The following SACM1L variants were observed in gnomAD, a reference collection of about 807,000 sequenced individuals.
SACM1L encodes the protein SAC1 like phosphatidylinositide phosphatase.
In SACM1L, 32 loss-of-function variants were observed where a neutral mutation model predicts 89.5. The observed-to-expected ratio is 0.36, with a 90% CI of 0.27 to 0.48. The LOEUF is 0.48. Among genes scored for constraint, SACM1L ranks in the 20% least tolerant of loss-of-function variants. SACM1L has a pLI of 0.99. For missense variants in SACM1L, 543 were observed against 708.5 expected, an observed-to-expected ratio of 0.77 and a Z score of 2.65; for synonymous variants, 213 against 232.8, an observed-to-expected ratio of 0.92 and a Z score of 0.77.
intron 14 of SACM1L, among the ~76,000 whole-genome samples, chr3:45,736,308 G>A (rs2125705422): frequency 6.6e-6 from 1 of 152,264 alleles, no homozygotes; most frequent in East Asian, 1.9e-4. Flanking sequence ...AGACTATGCT[G>A]TTGAGAAAAA....
At chr3:45,701,087 A>C (rs1298328600) in intron 1 of SACM1L, among the ~76,000 whole-genome samples, 1 of 152,230 alleles carries the variant, frequency 6.6e-6, no homozygotes, top group Admixed American at 6.5e-5. Context: ...AAACTTTTAA[A>C]AAATTATTTT....
At chr3:45,690,905 A>G (rs1020138963) in intron 1 of SACM1L, among the ~76,000 whole-genome samples, 1 of 148,428 alleles carries the variant, frequency 6.7e-6, no homozygotes, top group African/African-American at 2.4e-5. Flanking sequence ...GTTTAATGTG[A>G]TCCTACACCA....
intron 5 of SACM1L, 149 bp downstream of exon 5, chr3:45,709,796 T>G (rs559056466): frequency 2.2e-5 from 15 of 667,964 alleles, no homozygotes; most frequent in Non-Finnish European, 1.7e-5. Flanking sequence ...GTTTTAAATA[T>G]ACATCACAAT....
chr3:45,725,247 A>G (rs377196420), intron 11 of SACM1L, among the ~76,000 whole-genome samples: 27 of 152,320 alleles, frequency 1.8e-4, no homozygotes, highest in Middle Eastern at 6.8e-3. Flanking sequence ...TTTAGTAGCA[A>G]TTGCATTGAA....
chr3:45,717,818 A>G lies in SACM1L; in HGVS notation c.578-1682A>G, dbSNP rs539739622. ...GTAGTCCCAGCTACCTGGGAGGCCA[A>G]GGTGAGAGGATGGCTTGGGCCCAAG... On this transcript the variant is annotated intron_variant, in intron 7 of 19. Coordinates refer to ENST00000389061, the MANE Select transcript of SACM1L (RefSeq NM_014016.5). Among the ~76,000 whole-genome samples, 3 of 152,360 alleles carry G rather than the reference A, an allele frequency of 2.0e-5. No homozygotes were observed. The East Asian group carries it at 5.8e-4, about 29-fold the overall frequency.
chr3:45,727,865 G>C (rs1470534401), intron 11 of SACM1L, among the ~76,000 whole-genome samples: 1 of 152,198 alleles, frequency 6.6e-6, no homozygotes, highest in Non-Finnish European at 1.5e-5. Flanking sequence ...AAAGTGCTGG[G>C]ATTACAGGCG....
At chr3:45,689,827 C>T (rs1697925908) in intron 1 of SACM1L, 2 of 498,150 alleles carry the variant, frequency 4.0e-6, no homozygotes, top group South Asian at 5.6e-5. Flanking sequence ...CTATGCAGAG[C>T]TACCGACTAA....
rs747182908 is a variant in SACM1L, at chr3:45,743,710, T to C, written c.*41T>C. 6 of 1,598,498 alleles carry C rather than the reference T, an allele frequency of 3.8e-6. No individual in the cohort carries two copies. The Admixed American group carries it at 6.9e-5, about 18-fold the overall frequency. ...AAGCGGCTTGGCTTGGAAGATTCCATTGTGCAGAACTGGAGTCTTTACTGA... is the reference window on the plus strand; with the variant it reads ...AAGCGGCTTGGCTTGGAAGATTCCACTGTGCAGAACTGGAGTCTTTACTGA... On this transcript the variant is annotated 3_prime_UTR_variant, in exon 20 of 20. Coordinates refer to ENST00000389061, the MANE Select transcript of SACM1L (RefSeq NM_014016.5).
At chr3:45,699,041 G>A (rs1698197672) in intron 1 of SACM1L, among the ~76,000 whole-genome samples, 1 of 152,162 alleles carries the variant, frequency 6.6e-6, no homozygotes, top group African/African-American at 2.4e-5. Context: ...CCAAAGTGCT[G>A]GGATTTTGCA....
chr3:45,741,168 A>C (rs1699305189), intron 19 of SACM1L, among the ~76,000 whole-genome samples: 1 of 152,148 alleles, frequency 6.6e-6, no homozygotes, highest in South Asian at 2.1e-4. Context: ...GAATTCGTTG[A>C]GCCAACCTCT....
chr3:45,689,752 T>G (rs942271269), intron 1 of SACM1L: 82 of 586,848 alleles, frequency 1.4e-4, no homozygotes, highest in Non-Finnish European at 2.4e-4. Flanking sequence ...AGCTGCCGAC[T>G]GGCCCCCACC....
At chr3:45,719,730 CTTCA>C (rs1256691928) in intron 8 of SACM1L, 129 bp downstream of exon 8, 1 of 540,414 alleles carries the variant, frequency 1.9e-6, no homozygotes, top group Non-Finnish European at 3.3e-6. Context: ...TTATCTCCTG[CTTCA>C]TTGTAATAAT....
At position 45,713,145 on chromosome 3, in the gene SACM1L, G is replaced by C; in HGVS notation, c.492G>C (p.Gln164His). The change falls in exon 6 of 20, where the codon CAG becomes CAC. Residue 164 changes from glutamine to histidine, a missense_variant. This residue lies in a region of SACM1L where 370 missense variants were observed against 527.6 expected (regional missense o/e 0.70). Coordinates refer to ENST00000389061, the MANE Select transcript of SACM1L (RefSeq NM_014016.5). ...QEMSLLERAD[Q>H]RFVWNGHLLR... ...TTTAAAACTTCTCTCAGGCAGATCAGCGGTTTGTATGGAATGGTCATCTTC... is the reference window on the plus strand; with the variant it reads ...TTTAAAACTTCTCTCAGGCAGATCACCGGTTTGTATGGAATGGTCATCTTC... The C allele has an allele frequency of 6.2e-7, 1 of 1,612,418 alleles. No homozygotes were observed. Among genetic ancestry groups the C allele is most frequent in the Non-Finnish European group, 8.5e-7 (1 of 1,179,272 alleles).
At chr3:45,737,045 G>A (rs939437015) in intron 14 of SACM1L, among the ~76,000 whole-genome samples, 3 of 152,144 alleles carry the variant, frequency 2.0e-5, no homozygotes. Context: ...CTCCAAAGGG[G>A]AGTCTATAGA....
chr3:45,709,415 A>T (rs983346284), intron 4 of SACM1L, 83 bp from the exon 5 acceptor site: 1 of 1,263,946 alleles, frequency 7.9e-7, no homozygotes, highest in African/African-American at 1.5e-5. Flanking sequence ...GACTGGACTT[A>T]ACAGGATTTA....
intron 8 of SACM1L, among the ~76,000 whole-genome samples, chr3:45,720,411 C>T (rs1157425948): frequency 6.6e-6 from 1 of 151,524 alleles, no homozygotes; most frequent in Non-Finnish European, 1.5e-5. Context: ...AAATATTTCC[C>T]ATTTCTGACC....
chr3:45,734,675 G>C (rs1699159931), intron 13 of SACM1L: 1 of 152,094 alleles, frequency 6.6e-6, no homozygotes, highest in Non-Finnish European at 1.5e-5. Flanking sequence ...GAACTTCTGA[G>C]CTCAAGTAAT....
chr3:45,713,450 G>T, intron 6 of SACM1L: 1 of 276,152 alleles, frequency 3.6e-6, no homozygotes, highest in Admixed American at 5.3e-5. Flanking sequence ...AGAGATACAG[G>T]GGATCTTGGT....
In SACM1L at chr3:45,744,828, A is replaced by C. The variant is rs570769508; in HGVS notation, c.*1159A>C. 3 of 132,114 alleles carry C rather than the reference A, an allele frequency of 2.3e-5. No individual in the cohort carries two copies. Among genetic ancestry groups the C allele is most frequent in the Non-Finnish European group, 4.9e-5 (3 of 60,972 alleles). The allele number at this position is 132,114 out of a possible 1,614,324, so 8.2% of individuals were successfully genotyped here. A position where few individuals can be genotyped will look rare whatever the true frequency, so the allele number is the denominator to read the frequency against. ...TAAATATTAGAACGGTATGTAAGGT[A>C]GTATAATTACCACTATTTTAAATAA... On this transcript the variant is annotated 3_prime_UTR_variant, in exon 20 of 20. Transcript: ENST00000389061.
Sources: allele counts gnomAD v4.1 joint callset (sites outside exome capture counted in the v4.1 genomes callset), GRCh38; gene constraint gnomAD v4.1.1; regional missense constraint gnomAD v4.1.1; transcripts MANE v1.5; gene names NCBI Gene and HGNC (gene_info 2026-07-23, HGNC 2026-07-21).